Variants in MPDZ observed in about 807,000 individuals in gnomAD.
MPDZ encodes multiple PDZ domain crumbs cell polarity complex component, also known as multiple PDZ domain protein.
MPDZ carries 234 observed loss-of-function variants against 239.1 expected under a neutral mutation model. The ratio of observed to expected loss-of-function variants is 0.98; its 90% CI spans 0.88 to 1.09. The LOEUF (loss-of-function observed/expected upper bound fraction) is 1.09, where lower values mean the gene tolerates loss of function less well. MPDZ is among the 50% of genes least tolerant of loss of function. The probability of loss-of-function intolerance (pLI) is 0.00; values close to 1 mark genes in which losing one functional copy is unlikely to be tolerated. For synonymous variants in MPDZ, 1,048 were observed against 881.3 expected (o/e 1.19, Z -3.35); for missense variants, 3,175 against 2,510.0 (o/e 1.26, Z -5.66).
chr9:13,183,556 A>T lies in MPDZ; in HGVS notation c.2511T>A (p.Asp837Glu). ...LVGTNDADLV[D>E]ESTFESPYSP... ...AGTATGGAGACTCAAATGTGGATTC[A>T]TCTACTAAGTCAGCATCATTTGTGC... The change falls in exon 19 of 47, where the codon GAT becomes GAA. Residue 837 changes from aspartate to glutamate, a missense_variant. Coordinates refer to ENST00000319217, the MANE Select transcript of MPDZ (RefSeq NM_001378778.1). 6.2e-7 allele frequency: 1 copy of T among 1,612,634 alleles called. No homozygotes were observed. Among genetic ancestry groups the T allele is most frequent in the South Asian group, 1.1e-5 (1 of 91,020 alleles).
In MPDZ at chr9:13,175,886, G is replaced by T; in HGVS notation, c.2932-11C>A. On this transcript the variant is annotated splice_polypyrimidine_tract_variant and intron_variant, in intron 20 of 46. Transcript: ENST00000319217. ...CAGGTACTCAGAGCCCTTTAAGAAA[G>T]AAAAAGAAGTCACAAGTCACATGGA... is the stretch of plus-strand genomic sequence containing the variant. 1 of 1,577,652 alleles carries T rather than the reference G, an allele frequency of 6.3e-7. No individual in the cohort carries two copies.
chr9:13,171,943 C>G (rs988817795), intron 21 of MPDZ, among the ~76,000 whole-genome samples: 1 of 152,140 alleles, frequency 6.6e-6, no homozygotes, highest in African/African-American at 2.4e-5. Flanking sequence ...ACAAACCCAG[C>G]CTCTATTTAG....
chr9:13,137,536 A>T (rs1947001414), intron 29 of MPDZ, among the ~76,000 whole-genome samples: 1 of 152,136 alleles, frequency 6.6e-6, no homozygotes, highest in Admixed American at 6.5e-5. Context: ...CTTGTTCTTT[A>T]GCCTTAACCT....
chr9:13,121,676 T>C, intron 38 of MPDZ, 63 bp downstream of exon 38: 1 of 1,561,280 alleles, frequency 6.4e-7, no homozygotes, highest in South Asian at 1.1e-5. Context: ...GCTATTACTC[T>C]TTAAAATGAT....
At chr9:13,117,476 A>C (rs1943650076) in intron 39 of MPDZ, among the ~76,000 whole-genome samples, 1 of 151,186 alleles carries the variant, frequency 6.6e-6, no homozygotes, top group African/African-American at 2.4e-5. Flanking sequence ...GCTTGCAGTG[A>C]GCCGAGATCA....
At chr9:13,272,719 A>G (rs1031350485) in intron 1 of MPDZ, among the ~76,000 whole-genome samples, 15 of 151,640 alleles carry the variant, frequency 9.9e-5, no homozygotes, top group East Asian at 5.8e-4. Flanking sequence ...AAAAAAAAAA[A>G]AAGAAGAACA....
chr9:13,241,454 C>T (rs1334672161), intron 3 of MPDZ, among the ~76,000 whole-genome samples: 1 of 152,184 alleles, frequency 6.6e-6, no homozygotes, highest in Non-Finnish European at 1.5e-5. Flanking sequence ...CCTACCAACA[C>T]CAAGTCATAA....
intron 36 of MPDZ, 29 bp from the exon 37 acceptor site, chr9:13,122,199 C>T (rs917639209): frequency 2.7e-5 from 43 of 1,598,016 alleles, no homozygotes; most frequent in Non-Finnish European, 3.6e-5. Context: ...CATACCCATA[C>T]TTATCCCATT....
At chr9:13,137,076 T>C (rs1946931197) in intron 29 of MPDZ, among the ~76,000 whole-genome samples, 1 of 151,562 alleles carries the variant, frequency 6.6e-6, no homozygotes, top group Non-Finnish European at 1.5e-5. Flanking sequence ...TGCAGGAGAG[T>C]AGACAACAAA....
chr9:13,157,844 G>C (rs1199927471), intron 24 of MPDZ, among the ~76,000 whole-genome samples, 174 bp downstream of exon 24: 3 of 151,990 alleles, frequency 2.0e-5, no homozygotes, highest in Non-Finnish European at 4.4e-5. Flanking sequence ...TTAACCCTGT[G>C]TGATACACAT....
chr9:13,221,301 A>T, intron 7 of MPDZ, 71 bp downstream of exon 7: 2 of 1,428,568 alleles, frequency 1.4e-6, no homozygotes, highest in Non-Finnish European at 1.8e-6. Flanking sequence ...CTTCTTTCCA[A>T]CAAAAAAATG....
At chr9:13,130,890 A>T (rs1945891071) in intron 32 of MPDZ, among the ~76,000 whole-genome samples, 1 of 152,188 alleles carries the variant, frequency 6.6e-6, no homozygotes, top group Non-Finnish European at 1.5e-5. Context: ...GCCCAGTAGC[A>T]AGTTGAAACA....
At chr9:13,247,539 T>C (rs1966839322) in intron 3 of MPDZ, 96 bp downstream of exon 3, 8 of 1,357,982 alleles carry the variant, frequency 5.9e-6, no homozygotes, top group Non-Finnish European at 8.1e-6. Context: ...TAACTATTCA[T>C]TAACACATAG....
At chr9:13,256,826 T>A (rs1356833429) in intron 1 of MPDZ, among the ~76,000 whole-genome samples, 1 of 152,314 alleles carries the variant, frequency 6.6e-6, no homozygotes, top group Non-Finnish European at 1.5e-5. Flanking sequence ...AAGCATGTGC[T>A]GTTGGAAAAA....
chr9:13,175,213 AT>A (rs2134149931), intron 21 of MPDZ, among the ~76,000 whole-genome samples: 1 of 152,228 alleles, frequency 6.6e-6, no homozygotes, highest in South Asian at 2.1e-4. Context: ...TTTTTGCCCA[AT>A]TCAGAGGGTT....
At chr9:13,157,046 T>TC (rs397816183) in intron 24 of MPDZ, among the ~76,000 whole-genome samples, 7 of 151,318 alleles carry the variant, frequency 4.6e-5, no homozygotes, top group East Asian at 1.9e-4. Context: ...TAGTGTTTTT[T>TC]ATATTTTAAA....
At chr9:13,186,438 A>C in intron 17 of MPDZ, 52 bp from the exon 18 acceptor site, 2 of 1,286,318 alleles carry the variant, frequency 1.6e-6, no homozygotes, top group Non-Finnish European at 2.2e-6. Context: ...GCAAAGAAGA[A>C]AGAAAATGGA....
Position 13,214,327 on chromosome 9 carries a change from C to T in MPDZ, c.1290+2447G>A, listed in dbSNP as rs575036197. On this transcript the variant is annotated intron_variant, in intron 10 of 46. Coordinates refer to ENST00000319217, the MANE Select transcript of MPDZ (RefSeq NM_001378778.1). ...GTGAAAGGAGTCAGTCACAAAGAAC[C>T]ACATCTTGTATGATTCCATTTACAG... Among the ~76,000 whole-genome samples, 7 of 152,046 alleles carry T rather than the reference C, an allele frequency of 4.6e-5. No homozygotes were observed. The South Asian group carries it at 1.5e-3, about 32-fold the overall frequency.
intron 18 of MPDZ, among the ~76,000 whole-genome samples, chr9:13,185,095 C>T (rs1206471512): frequency 6.6e-6 from 1 of 151,962 alleles, no homozygotes; most frequent in Admixed American, 6.6e-5. Context: ...ATTTACACCA[C>T]AGTACTGTAT....
Sources: allele counts gnomAD v4.1 joint callset (sites outside exome capture counted in the v4.1 genomes callset), GRCh38; gene constraint gnomAD v4.1.1; transcripts MANE v1.5; gene names NCBI Gene and HGNC (gene_info 2026-07-23, HGNC 2026-07-21).